Variants in GFRA1 observed in about 807,000 individuals in gnomAD.
GFRA1 encodes the protein GDNF family receptor alpha 1.
GFRA1 carries 16 observed loss-of-function variants against 51.6 expected under a neutral mutation model. The ratio of observed to expected loss-of-function variants is 0.31; its 90% CI spans 0.21 to 0.47. The LOEUF is 0.47. Among genes scored for constraint, GFRA1 ranks in the 20% least tolerant of loss-of-function variants. GFRA1 has a pLI of 1.00. For missense variants in GFRA1, 530 were observed against 594.3 expected (o/e 0.89, Z 1.13); for synonymous variants, 270 against 241.3 (o/e 1.12, Z -1.10).
intron 4 of GFRA1, among the ~76,000 whole-genome samples, chr10:116,225,708 G>A (rs1318490042): frequency 6.6e-6 from 1 of 151,278 alleles, no homozygotes; most frequent in Non-Finnish European, 1.5e-5. Context: ...TCCTGCCTCA[G>A]CTCCCCAAGG....
chr10:116,175,233 G>A (rs1240591778), intron 5 of GFRA1, among the ~76,000 whole-genome samples: 1 of 152,162 alleles, frequency 6.6e-6, no homozygotes, highest in African/African-American at 2.4e-5. Flanking sequence ...CTTTCCTCCA[G>A]GTTAATAGTG....
intron 4 of GFRA1, among the ~76,000 whole-genome samples, chr10:116,214,123 T>TC (rs60504519): frequency 0.98 from 148,753 of 152,158 alleles, 72,798 homozygotes; most frequent in East Asian, 1. Context: ...TGCGCTTGCT[T>TC]CTGGAACCCA....
chr10:116,251,787 G>A (rs77854702), intron 4 of GFRA1, among the ~76,000 whole-genome samples: 10,293 of 151,900 alleles, frequency 0.068, 571 homozygotes, highest in East Asian at 0.28. Flanking sequence ...AGCAAAACAC[G>A]CCACAGTCAC....
intron 4 of GFRA1, among the ~76,000 whole-genome samples, chr10:116,253,016 C>T (rs1404417747): frequency 6.6e-6 from 1 of 152,174 alleles, no homozygotes; most frequent in Non-Finnish European, 1.5e-5. Flanking sequence ...CCTCAGTCCA[C>T]AAGATTAAAA....
At chr10:116,241,726 T>G (rs1967394599) in intron 4 of GFRA1, among the ~76,000 whole-genome samples, 1 of 152,204 alleles carries the variant, frequency 6.6e-6, no homozygotes, top group Non-Finnish European at 1.5e-5. Flanking sequence ...CTTTTGTTGT[T>G]ATGTACAGGA....
intron 4 of GFRA1, among the ~76,000 whole-genome samples, chr10:116,256,097 G>T (rs181145752): frequency 1.3e-5 from 2 of 152,178 alleles, no homozygotes; most frequent in Admixed American, 1.3e-4. Flanking sequence ...GAAACATTCC[G>T]TAAGTGTTAC....
At chr10:116,137,087 A>T (rs907917893) in intron 5 of GFRA1, among the ~76,000 whole-genome samples, 1 of 152,162 alleles carries the variant, frequency 6.6e-6, no homozygotes, top group African/African-American at 2.4e-5. Context: ...CCATAGTCAC[A>T]CGGTACATTT....
chr10:116,103,030 A>C (rs2133936614), intron 6 of GFRA1, among the ~76,000 whole-genome samples: 1 of 152,356 alleles, frequency 6.6e-6, no homozygotes, highest in East Asian at 1.9e-4. Context: ...GTAGATAAGA[A>C]GATGCACAGG....
intron 6 of GFRA1, among the ~76,000 whole-genome samples, chr10:116,120,168 G>A (rs1170469664): frequency 2.0e-5 from 3 of 152,230 alleles, no homozygotes; most frequent in Non-Finnish European, 4.4e-5. Flanking sequence ...CATATCTCCA[G>A]CAGGGTCAAG....
At chr10:116,245,961 T>C (rs1967833285) in intron 4 of GFRA1, among the ~76,000 whole-genome samples, 1 of 152,148 alleles carries the variant, frequency 6.6e-6, no homozygotes, top group African/African-American at 2.4e-5. Context: ...CAGGAGGTTT[T>C]AGGGCAGTGA....
chr10:116,227,239 G>A (rs1589889430), intron 4 of GFRA1, among the ~76,000 whole-genome samples: 1 of 152,288 alleles, frequency 6.6e-6, no homozygotes, highest in East Asian at 1.9e-4. Flanking sequence ...AGGCTCTAGG[G>A]ATCAAACTGT....
rs115575015 is a variant in GFRA1 at position 116,106,958 on chromosome 10, C to T, written c.771-10194G>A. On this transcript the variant is annotated intron_variant, in intron 6 of 10. Coordinates refer to ENST00000355422, the MANE Select transcript of GFRA1 (RefSeq NM_005264.8). Reference sequence around the variant, plus strand: ...CTCTGGCTCTTGCCATGTGAGACACCGGCAATCGCTTTGCCTACTGCCATG... The same window carrying T: ...CTCTGGCTCTTGCCATGTGAGACACTGGCAATCGCTTTGCCTACTGCCATG... 2.2e-3 allele frequency among the ~76,000 whole-genome samples: 330 copies of T among 152,280 alleles called. 1 individual carries two copies. Among genetic ancestry groups the T allele is most frequent in the African/African-American group, 7.5e-3 (311 of 41,544 alleles).
chr10:116,222,273 A>G (rs961981632), intron 4 of GFRA1, among the ~76,000 whole-genome samples: 1 of 152,070 alleles, frequency 6.6e-6, no homozygotes, highest in African/African-American at 2.4e-5. Flanking sequence ...ATCTCGGCTC[A>G]CTGCAACCTC....
At position 116,168,028 on chromosome 10, in the gene GFRA1, C is replaced by T. The variant is rs1589839977; in HGVS notation, c.434-42471G>A. On this transcript the variant is annotated intron_variant, in intron 5 of 10. Coordinates refer to ENST00000355422, the MANE Select transcript of GFRA1 (RefSeq NM_005264.8). ...GCTTCCGTGATGACTGCACTAAAAT[C>T]TCAGAATTCACTGCTATAAAATTCA... 2.6e-5 allele frequency among the ~76,000 whole-genome samples: 4 copies of T among 152,120 alleles called. No individual in the cohort carries two copies. In the South Asian group the frequency reaches 8.3e-4, roughly 32 times the overall value.
intron 5 of GFRA1, among the ~76,000 whole-genome samples, chr10:116,174,145 C>CAA (rs35365212): frequency 0.035 from 5,240 of 150,028 alleles, 279 homozygotes; most frequent in African/African-American, 0.12. Context: ...TAGGCCTTCT[C>CAA]AAAAAAAAAA....
At chr10:116,082,230 G>C (rs540466392) in intron 9 of GFRA1, among the ~76,000 whole-genome samples, 2 of 151,104 alleles carry the variant, frequency 1.3e-5, no homozygotes, top group East Asian at 3.9e-4. Flanking sequence ...GCAGCTCCAA[G>C]TCACAGCTCC....
intron 4 of GFRA1, among the ~76,000 whole-genome samples, chr10:116,255,272 G>C (rs1968737354): frequency 6.6e-6 from 1 of 152,094 alleles, no homozygotes; most frequent in African/African-American, 2.4e-5. Context: ...TTAAGTATAT[G>C]TTCATTGTTT....
In GFRA1 at chr10:116,064,276, G is replaced by A. The variant is rs569218769; in HGVS notation, c.*122C>T. On this transcript the variant is annotated 3_prime_UTR_variant, in exon 11 of 11. Coordinates refer to ENST00000355422, the MANE Select transcript of GFRA1 (RefSeq NM_005264.8). The stretch of plus-strand genomic sequence containing the variant: ...AAAAGGAAAAAAAAAAAATGTTCCA[G>A]TTGAATGGAACTGTTTCTCAACTGA... 5 of 836,586 alleles carry A rather than the reference G, an allele frequency of 6.0e-6. No homozygotes were observed. The African/African-American group carries it at 6.9e-5, about 12-fold the overall frequency. The allele number at this position is 836,586 out of a possible 1,614,324, so 51.8% of individuals were successfully genotyped here.
chr10:116,101,042 T>C (rs1317114560), intron 6 of GFRA1, among the ~76,000 whole-genome samples: 1 of 152,204 alleles, frequency 6.6e-6, no homozygotes, highest in Non-Finnish European at 1.5e-5. Flanking sequence ...ACAGCCAAGA[T>C]GCTGACATGT....
Sources: gnomAD v4.1 joint callset for allele counts (sites outside exome capture counted in the v4.1 genomes callset) on GRCh38, gnomAD v4.1.1 for gene constraint, MANE v1.5 for transcripts, NCBI Gene and HGNC (gene_info 2026-07-23, HGNC 2026-07-21) for gene names.